The following CYP2C19 variants were observed in gnomAD, a reference collection of about 807,000 sequenced individuals.
The protein encoded by CYP2C19 is cytochrome P450 family 2 subfamily C member 19.
Under a neutral mutation model 40.9 loss-of-function variants are expected in CYP2C19, and 59 were observed. That is an observed-to-expected ratio of 1.44 (90% CI 1.17 to 1.79). The LOEUF (loss-of-function observed/expected upper bound fraction) is 1.79. CYP2C19 is among the 40% of genes most tolerant of loss of function. The pLI is 0.00. For missense variants in CYP2C19, 754 were observed against 596.9 expected (o/e 1.26, Z -2.74); for synonymous variants, 253 against 208.7 (o/e 1.21, Z -1.83).
chr10:94,771,217 C>A (rs747184822), intron 1 of CYP2C19, among the ~76,000 whole-genome samples: 1 of 151,948 alleles, frequency 6.6e-6, no homozygotes, highest in Admixed American at 6.6e-5. Flanking sequence ...TAACTGATAG[C>A]CCGGGGTTTT....
chr10:94,818,523 C>A (rs1361264858), intron 5 of CYP2C19, among the ~76,000 whole-genome samples: 5 of 146,430 alleles, frequency 3.4e-5, no homozygotes, highest in Admixed American at 2.1e-4. Flanking sequence ...TACCCATGAG[C>A]ATGGAATGTT....
chr10:94,773,556 G>A (rs767886301), intron 1 of CYP2C19, among the ~76,000 whole-genome samples: 21 of 152,124 alleles, frequency 1.4e-4, no homozygotes, highest in Admixed American at 2.0e-4. Context: ...GCTCTTAAAG[G>A]TGGTGTGTCG....
rs1052554242 is a variant in CYP2C19 at position 94,853,314 on chromosome 10, G to C, written c.*400G>C. On this transcript the variant is annotated 3_prime_UTR_variant, in exon 9 of 9. Transcript: ENST00000371321. ...TGCATAATGCAGGTGACAAATTAAA[G>C]AAAATAGAGTTCCAGGAGGCCATGC... 1 of 391,092 alleles carries C rather than the reference G, an allele frequency of 2.6e-6. No individual in the cohort carries two copies. Among genetic ancestry groups the C allele is most frequent in the Non-Finnish European group, 4.7e-6 (1 of 211,962 alleles). The allele number at this position is 391,092 out of a possible 1,614,324, so 24.2% of individuals were successfully genotyped here. A position where few individuals can be genotyped will look rare whatever the true frequency, so the allele number is the denominator to read the frequency against.
chr10:94,849,918 G>T lies in CYP2C19; in HGVS notation c.1151G>T (p.Gly384Val), dbSNP rs1367174663. The T allele has an allele frequency of 6.2e-7, 1 of 1,613,418 alleles. No homozygotes were observed. Among genetic ancestry groups the T allele is most frequent in the Non-Finnish European group, 8.5e-7 (1 of 1,179,656 alleles). The change falls in exon 8 of 9, where the codon GGC (glycine) becomes GTC (valine). Residue 384 changes from glycine to valine, a missense_variant and splice_region_variant. Coordinates refer to ENST00000371321, the MANE Select transcript of CYP2C19 (RefSeq NM_000769.4). ...TTCACCTATGTCTCTTGTTTCTAGG[G>T]CACAACCATATTAACTTCCCTCACT... The part of the protein sequence containing the change: ...VKFRNYLIPK[G>V]TTILTSLTSV...
At chr10:94,845,173 G>A (rs1428717978) in intron 7 of CYP2C19, among the ~76,000 whole-genome samples, 2 of 152,142 alleles carry the variant, frequency 1.3e-5, no homozygotes, top group South Asian at 2.1e-4. Flanking sequence ...GTCTGAGAGA[G>A]GAGTTGGCAA....
At position 94,775,408 on chromosome 10, in the gene CYP2C19, G is replaced by T; in HGVS notation, c.350G>T (p.Gly117Val). Reference sequence around the variant, plus strand: ...CTGTTAGGAATCGTTTTCAGCAATGGAAAGAGATGGAAGGAGATCCGGCGT... The same window carrying T: ...CTGTTAGGAATCGTTTTCAGCAATGTAAAGAGATGGAAGGAGATCCGGCGT... Reference protein sequence around the residue: ...NRGFGIVFSNGKRWKEIRRFS... With the variant: ...NRGFGIVFSNVKRWKEIRRFS... Residue 117 changes from glycine to valine, a missense_variant, in exon 3 of 9, where the codon GGA becomes GTA. By Grantham distance (109) the Gly-to-Val change is moderately radical. Transcript: ENST00000371321. 1 of 1,614,056 alleles carries T rather than the reference G, an allele frequency of 6.2e-7. No individual in the cohort carries two copies. The highest frequency in any genetic ancestry group is 8.5e-7 in the Non-Finnish European group (1 of 1,180,032).
chr10:94,786,743 CACTTTTA>C (rs904223900), intron 5 of CYP2C19, among the ~76,000 whole-genome samples: 1 of 152,056 alleles, frequency 6.6e-6, no homozygotes, highest in African/African-American at 2.4e-5. Context: ...CTTTGTGTCC[CACTTTTA>C]TATGAGAACA....
At chr10:94,848,097 C>T (rs1849599818) in intron 7 of CYP2C19, among the ~76,000 whole-genome samples, 1 of 152,116 alleles carries the variant, frequency 6.6e-6, no homozygotes, top group South Asian at 2.1e-4. Flanking sequence ...TCCCATTTGT[C>T]AATTTTGGCT....
chr10:94,820,762 A>T (rs1379733237), intron 6 of CYP2C19, 125 bp downstream of exon 6: 1 of 1,198,296 alleles, frequency 8.3e-7, no homozygotes, highest in Admixed American at 1.9e-5. Flanking sequence ...CGCAGCTGTA[A>T]TCTGTCCCAA....
chr10:94,852,827 TG>T lies in CYP2C19; in HGVS notation c.1387del (p.Asp463ThrfsTer71). 6.2e-7 allele frequency: 1 copy of T among 1,614,122 alleles called. No homozygotes were observed. The highest frequency in any genetic ancestry group is 1.1e-5 in the South Asian group (1 of 91,080). ...AGAACTTTAACCTGAAATCTCTGAT[TG>T]ACCCAAAGGACCTTGACACAACTCC... ...LQNFNLKSLI[D>X]PKDLDTTPVV... On this transcript the variant is annotated frameshift_variant, in exon 9 of 9. Transcript: ENST00000371321. LOFTEE classifies it low-confidence loss of function (END_TRUNC).
At position 94,820,547 on chromosome 10, in the gene CYP2C19, G is replaced by A; in HGVS notation, c.871G>A (p.Ala291Thr). ...EFTIENLVIT[A>T]ADLLGAGTET... is the part of the protein sequence containing the mutation. ...CACTATTGAAAACTTGGTAATCACT[G>A]CAGCTGACTTACTTGGAGCTGGGAC... is the stretch of plus-strand genomic sequence containing the variant. Residue 291 changes from alanine (A) to threonine (T), a missense_variant, in exon 6 of 9, where the codon GCA (alanine) becomes ACA (threonine). Ala to Thr is a moderately conservative substitution (Grantham distance 58). Transcript: ENST00000371321. 1 of 1,614,144 alleles carries A rather than the reference G, an allele frequency of 6.2e-7. No homozygotes were observed. The highest frequency in any genetic ancestry group is 8.5e-7 in the Non-Finnish European group (1 of 1,180,030).
chr10:94,817,351 G>A (rs1399566350), intron 5 of CYP2C19, among the ~76,000 whole-genome samples: 4 of 149,894 alleles, frequency 2.7e-5, no homozygotes, highest in Non-Finnish European at 5.9e-5. Flanking sequence ...ATTTTTTCAT[G>A]TGTTTTTTGG....
At chr10:94,815,738 G>A (rs904222441) in intron 5 of CYP2C19, among the ~76,000 whole-genome samples, 4 of 152,060 alleles carry the variant, frequency 2.6e-5, no homozygotes, top group African/African-American at 7.2e-5. Context: ...TTACAATACT[G>A]TGGGCCCATC....
At chr10:94,806,587 A>G (rs1188131447) in intron 5 of CYP2C19, among the ~76,000 whole-genome samples, 3 of 149,356 alleles carry the variant, frequency 2.0e-5, no homozygotes, top group Admixed American at 6.7e-5. Context: ...CTTAGCCTTT[A>G]TTTATTAGAT....
chr10:94,777,546 T>C (rs1207859902), intron 3 of CYP2C19, among the ~76,000 whole-genome samples: 3 of 152,066 alleles, frequency 2.0e-5, no homozygotes, highest in African/African-American at 7.2e-5. Context: ...AAACAAGCAA[T>C]GGGAAAAAGA....
chr10:94,816,362 T>A (rs1188599091), intron 5 of CYP2C19, among the ~76,000 whole-genome samples: 3 of 151,896 alleles, frequency 2.0e-5, no homozygotes, highest in Non-Finnish European at 4.4e-5. Context: ...ATTTGTAACT[T>A]CCAACATAAA....
At chr10:94,805,522 C>T (rs1267303412) in intron 5 of CYP2C19, among the ~76,000 whole-genome samples, 1 of 152,126 alleles carries the variant, frequency 6.6e-6, no homozygotes, top group Non-Finnish European at 1.5e-5. Context: ...CATTGTTGTG[C>T]AAACATCACT....
At chr10:94,835,755 G>A (rs1431823098) in intron 6 of CYP2C19, among the ~76,000 whole-genome samples, 1 of 152,104 alleles carries the variant, frequency 6.6e-6, no homozygotes, top group Non-Finnish European at 1.5e-5. Flanking sequence ...GACTAGGTAA[G>A]CATACTTAGA....
intron 1 of CYP2C19, among the ~76,000 whole-genome samples, chr10:94,770,556 T>A (rs1848314709): frequency 1.3e-5 from 2 of 151,912 alleles, no homozygotes; most frequent in South Asian, 4.2e-4. Flanking sequence ...GCCTCCAGAT[T>A]TTGTTCAGGG....
Sources: allele counts gnomAD v4.1 joint callset (sites outside exome capture counted in the v4.1 genomes callset), GRCh38; gene constraint gnomAD v4.1.1; transcripts MANE v1.5; gene names NCBI Gene and HGNC (gene_info 2026-07-23, HGNC 2026-07-21).